SYNJ2: variants seen among roughly 807,000 people sequenced by gnomAD.
SYNJ2 encodes synaptojanin 2.
A neutral mutation model predicts 141.3 loss-of-function variants in SYNJ2; 116 were observed. That is an observed-to-expected ratio of 0.82 (90% CI 0.71 to 0.96). SYNJ2 has a LOEUF of 0.96. SYNJ2 is among the 40% of genes least tolerant of loss of function. The pLI is 0.00. For missense variants in SYNJ2, 1,873 were observed against 1,934.8 expected, an observed-to-expected ratio of 0.97 and a Z score of 0.60; for synonymous variants, 745 against 777.7, an observed-to-expected ratio of 0.96 and a Z score of 0.70.
intron 2 of SYNJ2, 33 bp downstream of exon 2, chr6:158,017,323 A>C (rs1778507437): frequency 6.3e-7 from 1 of 1,590,660 alleles, no homozygotes. Flanking sequence ...AGCAGGCGCC[A>C]GGCTCCCCGG....
At position 158,081,027 on chromosome 6, in the gene SYNJ2, C is replaced by T. The variant is rs191707996; in HGVS notation, c.2568-82C>T. 2.3e-5 allele frequency: 31 copies of T among 1,324,852 alleles called. No homozygotes were observed. In the East Asian group the frequency reaches 6.3e-4, roughly 27 times the overall value. The allele number at this position is 1,324,852 out of a possible 1,614,324, so 82.1% of individuals were successfully genotyped here. ...GGGGCTGGAGATGTGGACATCTGTC[C>T]CAGGCTAACTGGGGACTGGAGGCCG... On this transcript the variant is annotated intron_variant, in intron 18 of 26. Coordinates refer to ENST00000355585, the MANE Select transcript of SYNJ2 (RefSeq NM_003898.4).
intron 1 of SYNJ2, among the ~76,000 whole-genome samples, chr6:157,990,246 T>A (rs571814679): frequency 6.6e-6 from 1 of 152,290 alleles, no homozygotes; most frequent in Admixed American, 6.5e-5. Context: ...TGAGCTTCAT[T>A]CTAAGGCAGG....
chr6:158,062,946 T>G (rs762961435), intron 8 of SYNJ2, among the ~76,000 whole-genome samples: 2 of 152,222 alleles, frequency 1.3e-5, no homozygotes, highest in Non-Finnish European at 2.9e-5. Flanking sequence ...AAGGTGGTGA[T>G]GTGCTTTATG....
rs151046990 is a variant in SYNJ2, at chr6:158,071,780, C to T, written c.2119C>T (p.Leu707Phe). ...AGACTACAAGGAGATCACCCAGAAACTCTGCTTCCCAATGGTGAGCGGCGC... is the reference window on the plus strand; with the variant it reads ...AGACTACAAGGAGATCACCCAGAAATTCTGCTTCCCAATGGTGAGCGGCGC... ...NEDYKEITQK[L>F]CFPMGRNVFS... The change falls in exon 15 of 27, where the codon CTC (leucine) becomes TTC (phenylalanine). Residue 707 changes from leucine (L) to phenylalanine (F), a missense_variant. Leu to Phe is a conservative substitution (Grantham distance 22). Transcript: ENST00000355585. This position sits in a 1 kb window ranked among gnomAD's most constrained non-coding sequence, Gnocchi z 4.3. 5.1e-4 allele frequency: 828 copies of T among 1,613,396 alleles called. 3 individuals carry two copies. The highest frequency in any genetic ancestry group is 6.5e-4 in the Non-Finnish European group (766 of 1,180,014).
rs1158320502 is a variant in SYNJ2 at position 158,027,809 on chromosome 6, T to C, written c.215-947T>C. On this transcript the variant is annotated intron_variant, in intron 2 of 26. Transcript: ENST00000355585. This position sits in a 1 kb window ranked among gnomAD's most constrained non-coding sequence, Gnocchi z 4.6. ...GAGCAAGGAAGGCTTCCCGGAGGAG[T>C]TGCTGCCAAGTTGGCCCAGAAGGAT... 2 of 152,006 alleles carry C rather than the reference T, an allele frequency of 1.3e-5. No individual in the cohort carries two copies. Among genetic ancestry groups the C allele is most frequent in the Non-Finnish European group, 2.9e-5 (2 of 68,176 alleles). 9.4% of individuals were successfully genotyped at this position (152,006 alleles called of 1,614,324 possible).
chr6:157,999,787 G>T (rs1267200522), intron 1 of SYNJ2, among the ~76,000 whole-genome samples: 3 of 152,232 alleles, frequency 2.0e-5, no homozygotes, highest in Non-Finnish European at 4.4e-5. Flanking sequence ...TGTTTGTTCT[G>T]TGAAGCAGGC....
At position 158,017,684 on chromosome 6, in the gene SYNJ2, G is replaced by C. The variant is rs1035358659; in HGVS notation, c.214+394G>C. Reference sequence around the variant, plus strand: ...CCTGCCTCAGCCTCCCAAAGTGCTGGGATTACAGCCATGAGCCGCCGTGCC... The same window carrying C: ...CCTGCCTCAGCCTCCCAAAGTGCTGCGATTACAGCCATGAGCCGCCGTGCC... On this transcript the variant is annotated intron_variant, in intron 2 of 26. Coordinates refer to ENST00000355585, the MANE Select transcript of SYNJ2 (RefSeq NM_003898.4). 1.4e-5 allele frequency: 7 copies of C among 493,114 alleles called. No homozygotes were observed. The Admixed American group carries it at 1.5e-4, about 11-fold the overall frequency. 30.5% of individuals were successfully genotyped at this position (493,114 alleles called of 1,614,324 possible). A position where few individuals can be genotyped will look rare whatever the true frequency, so the allele number is the denominator to read the frequency against.
At chr6:158,061,879 G>A (rs183431351) in intron 7 of SYNJ2, 113 bp from the exon 8 acceptor site, 40 of 1,076,482 alleles carry the variant, frequency 3.7e-5, no homozygotes, top group East Asian at 7.1e-5. Flanking sequence ...GCTAAAGCAC[G>A]TCCTGCGGCG....
Position 158,027,088 on chromosome 6 carries a change from G to A in SYNJ2, c.215-1668G>A, listed in dbSNP as rs548436632. The A allele has an allele frequency of 2.4e-5, 24 of 985,240 alleles. No individual in the cohort carries two copies. Among genetic ancestry groups the A allele is most frequent in the Non-Finnish European group, 2.7e-5 (22 of 829,930 alleles). 61.0% of individuals were successfully genotyped at this position (985,240 alleles called of 1,614,324 possible). A position where few individuals can be genotyped will look rare whatever the true frequency, so the allele number is the denominator to read the frequency against. The stretch of plus-strand genomic sequence containing the variant: ...CAGCAGGCCCCTGGGAGCCCTGAGC[G>A]CTCATTAAAGGAACGCACTTTAATG... On this transcript the variant is annotated intron_variant, in intron 2 of 26. Coordinates refer to ENST00000355585, the MANE Select transcript of SYNJ2 (RefSeq NM_003898.4). The surrounding 1 kb of genome is among the most constrained non-coding windows in gnomAD (Gnocchi z 4.6).
Position 158,017,190 on chromosome 6 carries a change from T to C in SYNJ2, c.128-14T>C, listed in dbSNP as rs1295472880. 3 of 1,612,372 alleles carry C rather than the reference T, an allele frequency of 1.9e-6. No homozygotes were observed. The highest frequency in any genetic ancestry group is 2.5e-6 in the Non-Finnish European group (3 of 1,179,346). On this transcript the variant is annotated splice_polypyrimidine_tract_variant and intron_variant, in intron 1 of 26. Coordinates refer to ENST00000355585, the MANE Select transcript of SYNJ2 (RefSeq NM_003898.4). ...ACGCTCGCTGATGCCTTCTGTGATG[T>C]GTTTCTTCCCCAGCTCCAGAAGAAA...
At chr6:158,059,614 G>T in intron 7 of SYNJ2, 3 of 1,121,208 alleles carry the variant, frequency 2.7e-6, no homozygotes, top group South Asian at 4.4e-5. Flanking sequence ...GAGTGCAGTG[G>T]TGCAATCTCA....
Position 158,093,067 on chromosome 6 carries a change from C to G in SYNJ2, c.3707C>G (p.Pro1236Arg). The G allele has an allele frequency of 6.2e-7, 1 of 1,609,122 alleles. No individual in the cohort carries two copies. Reference protein sequence around the residue: ...LLPRRPPPRVPAIKKPTLRRT... With the variant: ...LLPRRPPPRVRAIKKPTLRRT... ...CCCCGTCGGCCCCCACCCAGAGTTC[C>G]TGCCATCAAGAAGCCAACCTTGAGA... The change falls in exon 26 of 27, where the codon CCT becomes CGT. Residue 1236 changes from proline to arginine, a missense_variant. Coordinates refer to ENST00000355585, the MANE Select transcript of SYNJ2 (RefSeq NM_003898.4).
chr6:158,085,262 C>G (rs1266009507), intron 22 of SYNJ2, among the ~76,000 whole-genome samples: 1 of 152,120 alleles, frequency 6.6e-6, no homozygotes, highest in East Asian at 1.9e-4. Flanking sequence ...CTCAAGTGAC[C>G]CTCCTACCTG....
intron 1 of SYNJ2, among the ~76,000 whole-genome samples, chr6:157,995,472 C>T (rs1562312008): frequency 1.3e-5 from 2 of 152,238 alleles, no homozygotes; most frequent in Non-Finnish European, 2.9e-5. Context: ...CCTGCCTTCT[C>T]TTCTGAACAC....
intron 1 of SYNJ2, among the ~76,000 whole-genome samples, chr6:158,015,791 A>G (rs748909349): frequency 7.9e-5 from 12 of 152,210 alleles, no homozygotes; most frequent in Non-Finnish European, 1.2e-4. Flanking sequence ...AAAAATTTTG[A>G]TAACTAGATT....
At chr6:158,055,503 A>ATGTGTGTGTGTGTGTG (rs61172281) in intron 6 of SYNJ2, among the ~76,000 whole-genome samples, 5 of 147,762 alleles carry the variant, frequency 3.4e-5, no homozygotes, top group African/African-American at 1.2e-4. Context: ...TTGGCATTTT[A>ATGTGTGTGTGTGTGTG]TGTGTGTGTG....
Position 158,074,599 on chromosome 6 carries a change from A to G in SYNJ2, c.2153A>G (p.His718Arg), listed in dbSNP as rs866552975. The G allele has an allele frequency of 2.5e-6, 4 of 1,611,004 alleles. No homozygotes were observed. The highest frequency in any genetic ancestry group is 3.3e-4 in the Middle Eastern group (2 of 6,040). Reference protein sequence around the residue: ...CFPMGRNVFSHDYVFWCGDFN... With the variant: ...CFPMGRNVFSRDYVFWCGDFN... The stretch of plus-strand genomic sequence containing the variant: ...ACTTAGGGGAGAAATGTTTTTTCTC[A>G]TGATTATGTATTTTGGTGTGGCGAT... The change falls in exon 16 of 27, where the codon CAT (histidine) becomes CGT (arginine). Residue 718 changes from histidine to arginine, a missense_variant. Coordinates refer to ENST00000355585, the MANE Select transcript of SYNJ2 (RefSeq NM_003898.4).
chr6:158,086,266 A>G (rs1318488186), intron 22 of SYNJ2, among the ~76,000 whole-genome samples: 14 of 152,122 alleles, frequency 9.2e-5, no homozygotes, highest in Non-Finnish European at 1.9e-4. Context: ...TCTGTAAGGA[A>G]GCAGGAGCTG....
intron 1 of SYNJ2, among the ~76,000 whole-genome samples, chr6:157,999,585 C>T (rs541802227): frequency 7.9e-5 from 12 of 152,328 alleles, no homozygotes; most frequent in African/African-American, 2.6e-4. Context: ...TGCGAACATC[C>T]AGGTGGGGCT....
Sources: gnomAD v4.1 joint callset for allele counts (sites outside exome capture counted in the v4.1 genomes callset) on GRCh38, gnomAD v4.1.1 for gene constraint, Gnocchi (gnomAD v3.1) non-coding constraint, MANE v1.5 for transcripts, NCBI Gene and HGNC (gene_info 2026-07-23, HGNC 2026-07-21) for gene names.